Variants in MTUS1 observed in about 807,000 individuals in gnomAD.
MTUS1 encodes the protein microtubule associated scaffold protein 1, also known as microtubule-associated tumor suppressor 1.
A neutral mutation model predicts 120.8 loss-of-function variants in MTUS1; 109 were observed. The observed-to-expected ratio is 0.90, with a 90% CI of 0.77 to 1.06. The LOEUF is 1.06. Ranked by LOEUF, MTUS1 falls within the 50% of genes least tolerant of loss-of-function variation. MTUS1 has a pLI of 0.00. For missense variants in MTUS1, 2,210 were observed against 1,486.3 expected (o/e 1.49, Z -8.01); for synonymous variants, 737 against 550.5 (o/e 1.34, Z -4.74).
intron 8 of MTUS1, among the ~76,000 whole-genome samples, chr8:17,658,856 C>G (rs992390284): frequency 1.3e-5 from 2 of 152,030 alleles, no homozygotes; most frequent in African/African-American, 4.8e-5. Context: ...AGTATTCTTT[C>G]AGAGGAAAAG....
At chr8:17,648,925 C>T (rs1298831796) in intron 13 of MTUS1, among the ~76,000 whole-genome samples, 1 of 152,236 alleles carries the variant, frequency 6.6e-6, no homozygotes, top group Non-Finnish European at 1.5e-5. Context: ...TGGTTAGAGT[C>T]CTGGCTGGCA....
chr8:17,698,137 G>C (rs185794479), intron 6 of MTUS1, among the ~76,000 whole-genome samples: 30 of 152,230 alleles, frequency 2.0e-4, no homozygotes, highest in Non-Finnish European at 2.8e-4. Context: ...AACAGTAAAA[G>C]ATTAATACGG....
intron 9 of MTUS1, chr8:17,655,058 T>A (rs748571615): frequency 1.1e-5 from 2 of 190,458 alleles, no homozygotes; most frequent in Admixed American, 5.3e-5. Flanking sequence ...AATGGCTGCA[T>A]CAGTCACAAG....
chr8:17,759,405 A>G (rs1190734478), intron 1 of MTUS1, among the ~76,000 whole-genome samples: 1 of 151,600 alleles, frequency 6.6e-6, no homozygotes, highest in East Asian at 1.9e-4. Flanking sequence ...CTGTGACTAC[A>G]GGTATGTGCC....
intron 3 of MTUS1, among the ~76,000 whole-genome samples, chr8:17,725,911 T>C (rs957669726): frequency 1.3e-5 from 2 of 152,144 alleles, no homozygotes; most frequent in African/African-American, 4.8e-5. Context: ...GTGATCGTAG[T>C]TTCAATCCTT....
intron 8 of MTUS1, among the ~76,000 whole-genome samples, chr8:17,661,862 C>T (rs983696531): frequency 5.9e-5 from 9 of 152,196 alleles, no homozygotes; most frequent in African/African-American, 1.9e-4. Flanking sequence ...GCCCGGTGTG[C>T]TGCTGGGGAA....
In MTUS1 at chr8:17,659,770, T is replaced by G. The variant is rs187307972; in HGVS notation, c.2906-3705A>C. Among the ~76,000 whole-genome samples the G allele has an allele frequency of 9.1e-4, 139 of 152,324 alleles. No homozygotes were observed. In the Middle Eastern group the frequency reaches 0.031, roughly 34 times the overall value. ...TTTTAATTATTTTTAGGTGTATGAT[T>G]CAGTGGCATTGAATACACTTACATC... On this transcript the variant is annotated intron_variant, in intron 8 of 14. Transcript: ENST00000693296.
chr8:17,727,176 C>T (rs2046280740), intron 3 of MTUS1, among the ~76,000 whole-genome samples: 1 of 152,176 alleles, frequency 6.6e-6, no homozygotes, highest in South Asian at 2.1e-4. Context: ...GACTAATGAG[C>T]AATGAGGATA....
chr8:17,756,912 A>T (rs937886888), intron 1 of MTUS1, among the ~76,000 whole-genome samples: 1 of 152,166 alleles, frequency 6.6e-6, no homozygotes, highest in Admixed American at 6.5e-5. Context: ...CTTAATCTTC[A>T]ACTTTCCAGC....
At position 17,656,278 on chromosome 8, in the gene MTUS1, A is replaced by G. The variant is rs1808209591; in HGVS notation, c.2906-213T>C. Among the ~76,000 whole-genome samples, 5 of 152,156 alleles carry G rather than the reference A, an allele frequency of 3.3e-5. No homozygotes were observed. The South Asian group carries it at 1.0e-3, about 32-fold the overall frequency. ...CGCAGTGGCTCACACCTGTAATCCC[A>G]GCACTTTGGGAGGCTGAGGTGGGGG... On this transcript the variant is annotated intron_variant, in intron 8 of 14. Coordinates refer to ENST00000693296, the MANE Select transcript of MTUS1 (RefSeq NM_001363059.2).
chr8:17,801,046 C>G lies in MTUS1; in HGVS notation c.-155+15G>C, dbSNP rs1056172592. ...GGCCGCCGGGCAGCGGGAACAGATTCCAGCGCGCACTTACCCGCAGCTCCT... is the reference window on the plus strand; with the variant it reads ...GGCCGCCGGGCAGCGGGAACAGATTGCAGCGCGCACTTACCCGCAGCTCCT... On this transcript the variant is annotated intron_variant, in intron 1 of 14. Coordinates refer to ENST00000693296, the MANE Select transcript of MTUS1 (RefSeq NM_001363059.2). 3 of 152,460 alleles carry G rather than the reference C, an allele frequency of 2.0e-5. No homozygotes were observed. Among genetic ancestry groups the G allele is most frequent in the South Asian group, 2.1e-4 (1 of 4,832 alleles). 9.4% of individuals were successfully genotyped at this position (152,460 alleles called of 1,614,324 possible).
At chr8:17,716,633 C>G (rs1030546042) in intron 4 of MTUS1, 1 of 153,800 alleles carries the variant, frequency 6.5e-6, no homozygotes, top group African/African-American at 2.4e-5. Context: ...CGGCTCGCTG[C>G]AAGCTCCGCC....
At chr8:17,728,495 G>A (rs939886877) in intron 3 of MTUS1, among the ~76,000 whole-genome samples, 2 of 152,240 alleles carry the variant, frequency 1.3e-5, no homozygotes, top group Admixed American at 6.5e-5. Context: ...AGTAAGGCAA[G>A]TGCAAGTAAT....
At chr8:17,660,356 G>C (rs1014305430) in intron 8 of MTUS1, among the ~76,000 whole-genome samples, 1 of 152,164 alleles carries the variant, frequency 6.6e-6, no homozygotes, top group African/African-American at 2.4e-5. Context: ...CTGGGTGACA[G>C]AGCAAGACTC....
chr8:17,736,127 C>CCTGCA (rs1473259016), intron 3 of MTUS1, among the ~76,000 whole-genome samples: 1 of 152,224 alleles, frequency 6.6e-6, no homozygotes, highest in Non-Finnish European at 1.5e-5. Flanking sequence ...AATGGGCAAG[C>CCTGCA]CTGCACTGTG....
chr8:17,663,456 A>T (rs1405259519), intron 8 of MTUS1, among the ~76,000 whole-genome samples: 1 of 152,224 alleles, frequency 6.6e-6, no homozygotes, highest in East Asian at 1.9e-4. Flanking sequence ...GACCAAAAAT[A>T]TTTTAATGCT....
At chr8:17,706,427 A>G (rs921071013) in intron 6 of MTUS1, among the ~76,000 whole-genome samples, 1 of 152,194 alleles carries the variant, frequency 6.6e-6, no homozygotes, top group Non-Finnish European at 1.5e-5. Context: ...CTGCTTTTCT[A>G]CATTGTCTTA....
intron 1 of MTUS1, among the ~76,000 whole-genome samples, chr8:17,777,123 C>T (rs2050506204): frequency 6.6e-6 from 1 of 152,056 alleles, no homozygotes; most frequent in African/African-American, 2.4e-5. Context: ...ATTTTCCCAC[C>T]CCCAGCATTT....
chr8:17,722,653 C>CA (rs1388018316), intron 4 of MTUS1: 13 of 718,642 alleles, frequency 1.8e-5, no homozygotes, highest in African/African-American at 1.7e-4. Context: ...GCCTTCTCTA[C>CA]AAAAAATGCA....
Sources: gnomAD v4.1 joint callset for allele counts (sites outside exome capture counted in the v4.1 genomes callset) on GRCh38, gnomAD v4.1.1 for gene constraint, MANE v1.5 for transcripts, NCBI Gene and HGNC (gene_info 2026-07-23, HGNC 2026-07-21) for gene names.